The following DLC1 variants were observed in gnomAD, a reference collection of about 807,000 sequenced individuals.
DLC1 encodes rho GTPase-activating protein 7.
DLC1 carries 54 observed loss-of-function variants against 140.3 expected under a neutral mutation model. The ratio of observed to expected loss-of-function variants is 0.38; its 90% CI spans 0.31 to 0.48. DLC1 has a LOEUF of 0.48. Ranked by LOEUF, DLC1 falls within the 20% of genes least tolerant of loss-of-function variation. The pLI is 0.96. For synonymous variants in DLC1, 986 were observed against 728.1 expected (o/e 1.35, Z -5.70); for missense variants, 2,536 against 1,907.0 (o/e 1.33, Z -6.14).
intron 4 of DLC1, among the ~76,000 whole-genome samples, chr8:13,367,383 C>G (rs1041915852): frequency 6.6e-6 from 1 of 152,164 alleles, no homozygotes; most frequent in African/African-American, 2.4e-5. Context: ...GTAGTACAGA[C>G]AGCCTCCTGT....
At chr8:13,103,276 A>C (rs1196128633) in intron 7 of DLC1, among the ~76,000 whole-genome samples, 1 of 151,976 alleles carries the variant, frequency 6.6e-6, no homozygotes, top group African/African-American at 2.4e-5. Flanking sequence ...GCGCCACTGC[A>C]CTCCAGCCTG....
rs1017662684 is a variant in DLC1 at position 13,214,793 on chromosome 8, G to C, written c.1348+90476C>G. On this transcript the variant is annotated intron_variant, in intron 5 of 17. Coordinates refer to ENST00000276297, the MANE Select transcript of DLC1 (RefSeq NM_182643.3). ...TTTACCGCTGCTGGGTTCCAGGGGA[G>C]GTAAAAAGGAGAGGAGAAAATGATT... 3 of 779,114 alleles carry C rather than the reference G, an allele frequency of 3.9e-6. No homozygotes were observed. In the South Asian group the frequency reaches 4.0e-5, roughly 10 times the overall value. The allele number at this position is 779,114 out of a possible 1,614,324, so 48.3% of individuals were successfully genotyped here.
At chr8:13,601,059 A>G (rs1805863827) in intron 1 of DLC1, among the ~76,000 whole-genome samples, 1 of 151,770 alleles carries the variant, frequency 6.6e-6, no homozygotes, top group Non-Finnish European at 1.5e-5. Context: ...ACTTTGAGCC[A>G]ATCTCGTAAA....
Position 13,263,759 on chromosome 8 carries a change from A to G in DLC1, c.1348+41510T>C, listed in dbSNP as rs189359679. On this transcript the variant is annotated intron_variant, in intron 5 of 17. Transcript: ENST00000276297. ...CCACTTTTACAGCATTTGAAAAATT[A>G]TTTTTTCTATAATGATTAGCATTCT... is the stretch of plus-strand genomic sequence containing the variant. Among the ~76,000 whole-genome samples, 193 of 151,542 alleles carry G rather than the reference A, an allele frequency of 1.3e-3. 1 individual carries two copies. Among genetic ancestry groups the G allele is most frequent in the Admixed American group, 6.0e-3 (92 of 15,216 alleles).
chr8:13,387,976 C>A (rs1836596946), intron 4 of DLC1, among the ~76,000 whole-genome samples: 1 of 151,824 alleles, frequency 6.6e-6, no homozygotes, highest in African/African-American at 2.4e-5. Context: ...TGACAGTCTT[C>A]CCAGAAATGT....
At chr8:13,592,415 AT>A (rs899285726) in intron 1 of DLC1, among the ~76,000 whole-genome samples, 4 of 151,474 alleles carry the variant, frequency 2.6e-5, no homozygotes, top group Non-Finnish European at 4.4e-5. Flanking sequence ...TATTTCTCCC[AT>A]TTTTTGTAGC....
At chr8:13,335,442 T>C (rs1157502157) in intron 4 of DLC1, among the ~76,000 whole-genome samples, 4 of 152,206 alleles carry the variant, frequency 2.6e-5, no homozygotes, top group Non-Finnish European at 5.9e-5. Flanking sequence ...GAGAAATCAA[T>C]GTGAGCACAC....
At chr8:13,537,648 C>CT (rs3066420) in intron 1 of DLC1, among the ~76,000 whole-genome samples, 4,094 of 90,274 alleles carry the variant, frequency 0.045, 166 homozygotes, top group Non-Finnish European at 0.062. Context: ...ACAGCTAACT[C>CT]TTTTTTTTTT....
chr8:13,266,734 G>T (rs1830702574), intron 5 of DLC1, among the ~76,000 whole-genome samples: 1 of 152,006 alleles, frequency 6.6e-6, no homozygotes. Flanking sequence ...AATAGAGAAA[G>T]ACTTAGTATT....
chr8:13,309,554 C>A (rs1832586610), intron 4 of DLC1, among the ~76,000 whole-genome samples: 1 of 152,078 alleles, frequency 6.6e-6, no homozygotes, highest in Non-Finnish European at 1.5e-5. Context: ...CTAATGAGAG[C>A]TTTTAAAGCT....
intron 4 of DLC1, among the ~76,000 whole-genome samples, chr8:13,313,407 G>A (rs753541747): frequency 6.6e-6 from 1 of 152,172 alleles, no homozygotes; most frequent in East Asian, 1.9e-4. Context: ...ATATGAACAC[G>A]TACAAGGTTT....
chr8:13,484,629 T>C (rs1800882137), intron 2 of DLC1, among the ~76,000 whole-genome samples: 1 of 152,098 alleles, frequency 6.6e-6, no homozygotes, highest in Admixed American at 6.5e-5. Flanking sequence ...TGTATCTGTT[T>C]AGTTTTCTTG....
chr8:13,226,934 G>A (rs545696214), intron 5 of DLC1, among the ~76,000 whole-genome samples: 108 of 152,188 alleles, frequency 7.1e-4, no homozygotes, highest in African/African-American at 2.6e-3. Flanking sequence ...GACTATGCTG[G>A]AACCACCATG....
chr8:13,519,862 T>C (rs909774883), upstream of DLC1, among the ~76,000 whole-genome samples: 4 of 152,106 alleles, frequency 2.6e-5, no homozygotes, highest in Admixed American at 6.5e-5. Flanking sequence ...GCAACAGACA[T>C]ATGAAGAAAA....
At chr8:13,278,400 AG>A (rs775510602) in intron 5 of DLC1, among the ~76,000 whole-genome samples, 42 of 152,184 alleles carry the variant, frequency 2.8e-4, no homozygotes, top group Non-Finnish European at 5.1e-4. Context: ...AATGGCATGA[AG>A]TACCCATGGC....
intron 5 of DLC1, among the ~76,000 whole-genome samples, chr8:13,223,041 C>T (rs1051783113): frequency 1.3e-5 from 2 of 152,174 alleles, no homozygotes. Flanking sequence ...GTATGAACCA[C>T]CATGCTTGGC....
intron 1 of DLC1, among the ~76,000 whole-genome samples, chr8:13,537,340 A>T (rs1375992318): frequency 1.3e-5 from 2 of 152,226 alleles, no homozygotes; most frequent in Non-Finnish European, 2.9e-5. Flanking sequence ...TGTTTGCTAG[A>T]CTTAATCATT....
At chr8:13,276,157 T>C in intron 5 of DLC1, 2 of 1,439,370 alleles carry the variant, frequency 1.4e-6, no homozygotes, top group Admixed American at 4.6e-5. Flanking sequence ...TTCAACCAGC[T>C]GATGAGATCA....
intron 4 of DLC1, among the ~76,000 whole-genome samples, chr8:13,386,171 A>G (rs1277861737): frequency 6.6e-6 from 1 of 152,194 alleles, no homozygotes; most frequent in Non-Finnish European, 1.5e-5. Flanking sequence ...CATGCAAAGT[A>G]CTATTCATAT....
Sources: gnomAD v4.1 joint callset for allele counts (sites outside exome capture counted in the v4.1 genomes callset) on GRCh38, gnomAD v4.1.1 for gene constraint, MANE v1.5 for transcripts, NCBI Gene and HGNC (gene_info 2026-07-23, HGNC 2026-07-21) for gene names.